Variants in TENM4 observed in about 807,000 individuals in gnomAD.
TENM4 encodes the protein teneurin-4.
TENM4 carries 82 observed loss-of-function variants against 243.3 expected under a neutral mutation model. The observed-to-expected ratio is 0.34, with a 90% CI of 0.28 to 0.40. TENM4 has a LOEUF of 0.40. Among genes scored for constraint, TENM4 ranks in the 10% least tolerant of loss-of-function variants. TENM4 has a pLI of 1.00. For synonymous variants in TENM4, 1,412 were observed against 1,456.3 expected (o/e 0.97, Z 0.69); for missense variants, 3,138 against 3,673.3 (o/e 0.85, Z 3.77).
At chr11:79,286,437 G>A (rs1278882264) in intron 2 of TENM4, among the ~76,000 whole-genome samples, 3 of 150,784 alleles carry the variant, frequency 2.0e-5, no homozygotes, top group African/African-American at 4.9e-5. Context: ...GGGATCACCT[G>A]AGGTCAGAAG....
chr11:79,154,026 C>T lies in TENM4; in HGVS notation c.-162-5220G>A, dbSNP rs373784238. On this transcript the variant is annotated intron_variant, in intron 3 of 33. Transcript: ENST00000278550. ...GGTGTGAAAAGTTTTAAAAACAGTGCAAAAACCTGAAGGCTTATGTCACCC... is the reference window on the plus strand; with the variant it reads ...GGTGTGAAAAGTTTTAAAAACAGTGTAAAAACCTGAAGGCTTATGTCACCC... Among the ~76,000 whole-genome samples, 43 of 152,210 alleles carry T rather than the reference C, an allele frequency of 2.8e-4. 2 individuals carry two copies. The East Asian group carries it at 4.1e-3, about 14-fold the overall frequency.
At chr11:79,262,119 G>A (rs1855808673) in intron 2 of TENM4, among the ~76,000 whole-genome samples, 1 of 152,178 alleles carries the variant, frequency 6.6e-6, no homozygotes, top group African/African-American at 2.4e-5. Context: ...CACGTGCCAG[G>A]CGCCACCTGC....
chr11:79,259,706 C>A (rs1320853091), intron 2 of TENM4, among the ~76,000 whole-genome samples: 1 of 146,404 alleles, frequency 6.8e-6, no homozygotes, highest in Non-Finnish European at 1.5e-5. Context: ...TCCATCCATG[C>A]ACACCCATCC....
rs145652012 is a variant in TENM4 at position 79,103,532 on chromosome 11, A to G, written c.-65-33523T>C. 7.8e-3 allele frequency among the ~76,000 whole-genome samples: 1,193 copies of G among 152,274 alleles called. 18 individuals carry two copies. The highest frequency in any genetic ancestry group is 0.028 in the African/African-American group (1,145 of 41,554). The stretch of plus-strand genomic sequence containing the variant: ...ACTTCCCAAGGTCCGTCCTCTTAGC[A>G]TCACTCGCATACATTACTGCATTTC... On this transcript the variant is annotated intron_variant, in intron 4 of 33. Transcript: ENST00000278550.
intron 9 of TENM4, among the ~76,000 whole-genome samples, chr11:78,886,858 C>T (rs538306970): frequency 6.6e-6 from 1 of 152,350 alleles, no homozygotes; most frequent in South Asian, 2.1e-4. Context: ...TATCAGTGAA[C>T]TGACCATTCC....
chr11:79,296,191 C>T (rs80165398), intron 2 of TENM4, among the ~76,000 whole-genome samples: 2,621 of 152,292 alleles, frequency 0.017, 33 homozygotes, highest in Non-Finnish European at 0.024. Flanking sequence ...CTCTAATCCA[C>T]AGCATTCTCT....
chr11:79,005,658 T>C (rs1399665657), intron 6 of TENM4, among the ~76,000 whole-genome samples: 2 of 151,956 alleles, frequency 1.3e-5, no homozygotes, highest in African/African-American at 4.8e-5. Flanking sequence ...GGCAAAAACT[T>C]GAAGCATTTC....
At chr11:78,765,623 C>A (rs889851194) in intron 18 of TENM4, among the ~76,000 whole-genome samples, 5 of 152,144 alleles carry the variant, frequency 3.3e-5, no homozygotes, top group African/African-American at 1.2e-4. Flanking sequence ...GAGTTTTTAT[C>A]CTGGAGGCTT....
intron 1 of TENM4, among the ~76,000 whole-genome samples, chr11:79,409,093 TGTGTGTGTGCGCGC>T (rs1312207967): frequency 8.1e-5 from 9 of 111,434 alleles, no homozygotes; most frequent in South Asian, 3.0e-4. Context: ...TGTGTGTGTG[TGTGTGTGTGCGCGC>T]GCGCGCGTGC....
At chr11:79,420,841 AGTCAGATAAACCCAG>A (rs1858916574) in intron 1 of TENM4, among the ~76,000 whole-genome samples, 1 of 152,198 alleles carries the variant, frequency 6.6e-6, no homozygotes. Context: ...GTCACTCCAG[AGTCAGATAAACCCAG>A]GTTCAATGCT....
intron 1 of TENM4, among the ~76,000 whole-genome samples, chr11:79,394,213 C>A (rs1305647246): frequency 6.6e-6 from 1 of 152,198 alleles, no homozygotes; most frequent in African/African-American, 2.4e-5. Flanking sequence ...CAAGGGTGAG[C>A]TTCTGAATGC....
chr11:79,285,862 T>C (rs1390432459), intron 2 of TENM4, among the ~76,000 whole-genome samples: 1 of 151,998 alleles, frequency 6.6e-6, no homozygotes, highest in African/African-American at 2.4e-5. Context: ...AGTGGAGTGG[T>C]TGGCAAGGGC....
chr11:79,186,047 T>G (rs1863374611), intron 3 of TENM4, among the ~76,000 whole-genome samples: 1 of 152,212 alleles, frequency 6.6e-6, no homozygotes, highest in African/African-American at 2.4e-5. Context: ...AAAATTGAGT[T>G]TCAAAGAAAT....
intron 4 of TENM4, among the ~76,000 whole-genome samples, chr11:79,142,497 A>T (rs574549482): frequency 6.6e-6 from 1 of 152,270 alleles, no homozygotes; most frequent in South Asian, 2.1e-4. Context: ...ACCAAAAAAT[A>T]GAAAGATATT....
chr11:78,731,025 G>A (rs1855654179), intron 21 of TENM4, among the ~76,000 whole-genome samples: 1 of 152,198 alleles, frequency 6.6e-6, no homozygotes, highest in Non-Finnish European at 1.5e-5. Flanking sequence ...GTTAACCTGT[G>A]AGAGGACTGG....
intron 1 of TENM4, among the ~76,000 whole-genome samples, chr11:79,315,525 A>G (rs866206756): frequency 1.3e-5 from 2 of 152,194 alleles, no homozygotes; most frequent in Non-Finnish European, 2.9e-5. Context: ...CCTCCTGTCC[A>G]TGGTGCTGAA....
At chr11:79,353,032 C>G (rs1288273609) in intron 1 of TENM4, among the ~76,000 whole-genome samples, 1 of 152,126 alleles carries the variant, frequency 6.6e-6, no homozygotes, top group East Asian at 1.9e-4. Flanking sequence ...AACAAGATCA[C>G]TTCTTAAATG....
At chr11:78,755,987 TATGCTG>T in intron 19 of TENM4, among the ~76,000 whole-genome samples, 1 of 152,192 alleles carries the variant, frequency 6.6e-6, no homozygotes, top group Non-Finnish European at 1.5e-5. Flanking sequence ...TGCTCTTGGA[TATGCTG>T]TTCACTGCCC....
chr11:79,370,604 C>A (rs1857762055), intron 1 of TENM4, among the ~76,000 whole-genome samples: 2 of 151,958 alleles, frequency 1.3e-5, no homozygotes, highest in African/African-American at 4.8e-5. Flanking sequence ...ATCTGCAATT[C>A]CTAAAGCGTG....
Sources: gnomAD v4.1 joint callset for allele counts (sites outside exome capture counted in the v4.1 genomes callset) on GRCh38, gnomAD v4.1.1 for gene constraint, MANE v1.5 for transcripts, NCBI Gene and HGNC (gene_info 2026-07-23, HGNC 2026-07-21) for gene names.